MICU2: variants seen among roughly 807,000 people sequenced by gnomAD.
The protein encoded by MICU2 is calcium uptake protein 2, mitochondrial.
MICU2 carries 64 observed loss-of-function variants against 60.4 expected under a neutral mutation model. The observed-to-expected ratio is 1.06, with a 90% confidence interval of 0.87 to 1.31. MICU2 has a LOEUF of 1.31. Ranked by LOEUF, MICU2 falls within the 50% of genes most tolerant of loss-of-function variation. MICU2 has a pLI of 0.00. For synonymous variants in MICU2, 201 were observed against 175.0 expected, an observed-to-expected ratio of 1.15 and a Z score of -1.17; for missense variants, 569 against 531.0, an observed-to-expected ratio of 1.07 and a Z score of -0.70.
intron 4 of MICU2, chr13:21,530,696 G>A (rs1431770503): frequency 5.0e-6 from 2 of 396,272 alleles, no homozygotes; most frequent in East Asian, 5.0e-5. Context: ...GGTGGCCACT[G>A]AGGGGGTCGG....
chr13:21,561,481 T>A (rs1379026150), intron 2 of MICU2, among the ~76,000 whole-genome samples: 3 of 152,080 alleles, frequency 2.0e-5, no homozygotes, highest in East Asian at 3.9e-4. Context: ...TTTGATGCCC[T>A]GTTGTTAGGT....
In MICU2 at chr13:21,496,152, A is replaced by C; in HGVS notation, c.942T>G (p.Ser314Arg). Residue 314 changes from serine to arginine, a missense_variant, in exon 10 of 12, where the codon AGT (serine) becomes AGG (arginine). By Grantham distance (110) the Ser-to-Arg change is moderately radical. Transcript: ENST00000382374. Reference protein sequence around the residue: ...REKLSAGESISLDEFKSFCHF... With the variant: ...REKLSAGESIRLDEFKSFCHF... ...GGCAAAATGACTTGAATTCATCCAA[A>C]CTAATGCTCTAATAAAGTAAGAGTT... 6.2e-7 allele frequency: 1 copy of C among 1,610,140 alleles called. No individual in the cohort carries two copies. The highest frequency in any genetic ancestry group is 8.5e-7 in the Non-Finnish European group (1 of 1,177,780).
At chr13:21,580,077 T>G (rs943094207) in intron 1 of MICU2, among the ~76,000 whole-genome samples, 1 of 152,220 alleles carries the variant, frequency 6.6e-6, no homozygotes, top group African/African-American at 2.4e-5. Context: ...CTTTTCTCCT[T>G]CAACTGCCTC....
chr13:21,509,146 G>C (rs1886365903), intron 8 of MICU2, among the ~76,000 whole-genome samples: 1 of 152,166 alleles, frequency 6.6e-6, no homozygotes, highest in Non-Finnish European at 1.5e-5. Flanking sequence ...TTAAGACTTT[G>C]GTTAGTGGAG....
chr13:21,498,747 T>C (rs1314064766), intron 9 of MICU2, among the ~76,000 whole-genome samples: 1 of 151,858 alleles, frequency 6.6e-6, no homozygotes, highest in African/African-American at 2.4e-5. Context: ...ATGGGAACAA[T>C]CTCTTCACAT....
At chr13:21,522,723 A>C in intron 4 of MICU2, 73 bp from the exon 5 acceptor site, 1 of 1,111,524 alleles carries the variant, frequency 9.0e-7, no homozygotes. Flanking sequence ...TAACATTGAA[A>C]TTTCACCTAA....
Position 21,492,827 on chromosome 13 carries a change from A to T in MICU2, c.*422T>A, listed in dbSNP as rs1885891903. ...ATTTATGAGATATAAGGTACAGATG[A>T]GAAAAATCTGAAATAAGTTTTTAAC... On this transcript the variant is annotated 3_prime_UTR_variant, in exon 12 of 12. Transcript: ENST00000382374. The T allele has an allele frequency of 6.5e-6, 1 of 153,470 alleles. No homozygotes were observed. The highest frequency in any genetic ancestry group is 6.5e-5 in the Admixed American group (1 of 15,308). The allele number at this position is 153,470 out of a possible 1,614,324, so 9.5% of individuals were successfully genotyped here. A position where few individuals can be genotyped will look rare whatever the true frequency, so the allele number is the denominator to read the frequency against.
intron 11 of MICU2, among the ~76,000 whole-genome samples, chr13:21,494,295 C>T (rs1218037543): frequency 1.3e-5 from 2 of 151,810 alleles, no homozygotes; most frequent in Non-Finnish European, 2.9e-5. Flanking sequence ...TCTCTCCTTC[C>T]TTTTTTCTTG....
At chr13:21,493,950 G>A (rs966709865) in intron 11 of MICU2, among the ~76,000 whole-genome samples, 5 of 152,122 alleles carry the variant, frequency 3.3e-5, no homozygotes, top group African/African-American at 1.2e-4. Flanking sequence ...CAGGAGCATA[G>A]CACTGATGAA....
rs184039306 is a variant in MICU2 at position 21,574,833 on chromosome 13, T to C, written c.211-7889A>G. Among the ~76,000 whole-genome samples, 771 of 152,356 alleles carry C rather than the reference T, an allele frequency of 5.1e-3. 5 individuals carry two copies. Among genetic ancestry groups the C allele is most frequent in the African/African-American group, 0.017 (726 of 41,590 alleles). The stretch of plus-strand genomic sequence containing the variant: ...ACTATCTTTCCTTCTTAAAGAAACC[T>C]TTACAATCAGAAATTTTCATTTGAC... On this transcript the variant is annotated intron_variant, in intron 1 of 11. Coordinates refer to ENST00000382374, the MANE Select transcript of MICU2 (RefSeq NM_152726.3).
intron 4 of MICU2, among the ~76,000 whole-genome samples, chr13:21,525,048 CA>C (rs1160082663): frequency 6.6e-6 from 1 of 152,050 alleles, no homozygotes; most frequent in Non-Finnish European, 1.5e-5. Flanking sequence ...GTGTTTCTAC[CA>C]TGTGGTTACT....
chr13:21,494,125 TTATGGG>T (rs1885931245), intron 11 of MICU2, among the ~76,000 whole-genome samples: 1 of 152,218 alleles, frequency 6.6e-6, no homozygotes, highest in Non-Finnish European at 1.5e-5. Flanking sequence ...CGGAATATAT[TTATGGG>T]TGTTGGATAA....
rs142243660 is a variant in MICU2 at position 21,603,973 on chromosome 13, G to A, written c.176C>T (p.Ala59Val). The change falls in exon 1 of 12, where the codon GCG becomes GTG. Residue 59 changes from alanine (A) to valine (V), a missense_variant. Physicochemically the swap from Ala to Val is moderately conservative, Grantham distance 64. Coordinates refer to ENST00000382374, the MANE Select transcript of MICU2 (RefSeq NM_152726.3). ...GACTGTAAAACTGCCATCCCGCGCC[G>A]CAACACTGACGCGGCTGTGGTGCCA... ...AAWHHSRVSV[A>V]ARDGSFTVSA... is the part of the protein sequence containing the mutation. 6 of 1,612,394 alleles carry A rather than the reference G, an allele frequency of 3.7e-6. No homozygotes were observed. The African/African-American group carries it at 4.0e-5, about 11-fold the overall frequency.
chr13:21,574,808 A>C lies in MICU2; in HGVS notation c.211-7864T>G, dbSNP rs191160455. Among the ~76,000 whole-genome samples, 25 of 152,354 alleles carry C rather than the reference A, an allele frequency of 1.6e-4. No homozygotes were observed. In the East Asian group the frequency reaches 4.2e-3, roughly 26 times the overall value. ...GAACTTTCTGTGGTGTAACTGGATG[A>C]CTATCTTTCCTTCTTAAAGAAACCT... On this transcript the variant is annotated intron_variant, in intron 1 of 11. Coordinates refer to ENST00000382374, the MANE Select transcript of MICU2 (RefSeq NM_152726.3).
At chr13:21,552,679 A>G (rs1273660559) in intron 2 of MICU2, among the ~76,000 whole-genome samples, 2 of 152,152 alleles carry the variant, frequency 1.3e-5, no homozygotes, top group Non-Finnish European at 2.9e-5. Flanking sequence ...CCATTTATTA[A>G]ATAGGGAATC....
At position 21,545,402 on chromosome 13, in the gene MICU2, C is replaced by T. The variant is rs191962759; in HGVS notation, c.359-5714G>A. ...GAAGCTAAAAAAAGTTTATCTCAGC[C>T]GGGTGCAGTGGCTCACGCCTGTAAT... On this transcript the variant is annotated intron_variant, in intron 2 of 11. Transcript: ENST00000382374. Among the ~76,000 whole-genome samples the T allele has an allele frequency of 5.0e-3, 768 of 152,262 alleles. 13 individuals carry two copies. Among genetic ancestry groups the T allele is most frequent in the African/African-American group, 0.017 (706 of 41,556 alleles).
intron 2 of MICU2, among the ~76,000 whole-genome samples, chr13:21,562,110 A>G (rs987781452): frequency 1.4e-4 from 21 of 151,482 alleles, no homozygotes; most frequent in African/African-American, 4.6e-4. Flanking sequence ...CCAGTCTATC[A>G]TTGTTGGACA....
chr13:21,536,019 A>G (rs1182060837), intron 4 of MICU2, among the ~76,000 whole-genome samples: 1 of 152,190 alleles, frequency 6.6e-6, no homozygotes, highest in Non-Finnish European at 1.5e-5. Flanking sequence ...ACTACATTCC[A>G]GTAAATTCCC....
rs568506395 is a variant in MICU2 at position 21,580,734 on chromosome 13, A to G, written c.211-13790T>C. Among the ~76,000 whole-genome samples the G allele has an allele frequency of 3.3e-5, 5 of 152,292 alleles. No homozygotes were observed. In the South Asian group the frequency reaches 1.0e-3, roughly 32 times the overall value. ...TTTATAAAACTTCATGTAAGTAACA[A>G]ATATTATTACCAGTATTAATAATAT... On this transcript the variant is annotated intron_variant, in intron 1 of 11. Coordinates refer to ENST00000382374, the MANE Select transcript of MICU2 (RefSeq NM_152726.3).
Sources: allele counts gnomAD v4.1 joint callset (sites outside exome capture counted in the v4.1 genomes callset), GRCh38; gene constraint gnomAD v4.1.1; transcripts MANE v1.5; gene names NCBI Gene and HGNC (gene_info 2026-07-23, HGNC 2026-07-21).